The following ZNF462 variants were observed in gnomAD, a reference collection of about 807,000 sequenced individuals.
ZNF462 encodes zinc finger PBX1-interacting protein.
A neutral mutation model predicts 201.9 loss-of-function variants in ZNF462; 10 were observed. The observed-to-expected ratio is 0.05, with a 90% CI of 0.03 to 0.08. ZNF462 has a LOEUF of 0.08. Among genes scored for constraint, ZNF462 ranks in the 10% least tolerant of loss-of-function variants. The pLI is 1.00. For missense variants in ZNF462, 2,523 were observed against 3,168.3 expected (o/e 0.80, Z 4.89); for synonymous variants, 1,227 against 1,193.3 (o/e 1.03, Z -0.58).
chr9:106,886,697 G>C lies in ZNF462; in HGVS notation c.-31+23342G>C, dbSNP rs1342680403. On this transcript the variant is annotated intron_variant, in intron 1 of 12. Coordinates refer to ENST00000277225, the MANE Select transcript of ZNF462 (RefSeq NM_021224.6). This position sits in a 1 kb window ranked among gnomAD's most constrained non-coding sequence, Gnocchi z 4.6. ...AAATGATGTGTCCAAAGTCCACAAT[G>C]TAGGAAGTTAGTTAAGGAAGCCTGA... Among the ~76,000 whole-genome samples the C allele has an allele frequency of 6.6e-6, 1 of 152,172 alleles. No homozygotes were observed. Among genetic ancestry groups the C allele is most frequent in the Non-Finnish European group, 1.5e-5 (1 of 68,032 alleles).
At chr9:106,861,029 C>T (rs1329619323), upstream of ZNF462, among the ~76,000 whole-genome samples, 1 of 152,080 alleles carries the variant, frequency 6.6e-6, no homozygotes, top group African/African-American at 2.4e-5. Context: ...TCTTCCCTCT[C>T]CTCGCCTTTC....
chr9:106,897,336 C>G lies in ZNF462; in HGVS notation c.-30-26018C>G, dbSNP rs117799941. On this transcript the variant is annotated intron_variant, in intron 1 of 12. Transcript: ENST00000277225. ...TGAAAGAACACTTCCCCTAAGAATTCCCTTAGTACAGGTTTTGGTATGCAG... is the reference window on the plus strand; with the variant it reads ...TGAAAGAACACTTCCCCTAAGAATTGCCTTAGTACAGGTTTTGGTATGCAG... 2.9e-3 allele frequency among the ~76,000 whole-genome samples: 440 copies of G among 152,242 alleles called. 2 individuals are homozygous for G. Among genetic ancestry groups the G allele is most frequent in the Non-Finnish European group, 4.8e-3 (328 of 68,014 alleles).
At position 106,975,000 on chromosome 9, in the gene ZNF462, C is replaced by T. The variant is rs1380774052; in HGVS notation, c.6832+727C>T. 3 of 152,186 alleles carry T rather than the reference C, an allele frequency of 2.0e-5. No homozygotes were observed. The highest frequency in any genetic ancestry group is 2.9e-5 in the Non-Finnish European group (2 of 68,050). The allele number at this position is 152,186 out of a possible 1,614,324, so 9.4% of individuals were successfully genotyped here. On this transcript the variant is annotated intron_variant, in intron 9 of 12. Transcript: ENST00000277225. The surrounding 1 kb of genome is among the most constrained non-coding windows in gnomAD (Gnocchi z 4.0). ...AGTGATACTTCTTTTAAGTCCACTT[C>T]GGTCTTTCTTTGAGTTGCATTTACC... is the stretch of plus-strand genomic sequence containing the variant.
rs79146649 is a variant in ZNF462, at chr9:106,968,841, G to A, written c.6428-3164G>A. ...AATGAAAGAAAATAGTCTTAATGAT[G>A]ATTTTTAACTTATGTGACATGCCCT... is the stretch of plus-strand genomic sequence containing the variant. On this transcript the variant is annotated intron_variant, in intron 7 of 12. Coordinates refer to ENST00000277225, the MANE Select transcript of ZNF462 (RefSeq NM_021224.6). This position sits in a 1 kb window ranked among gnomAD's most constrained non-coding sequence, Gnocchi z 4.0. 0.048 allele frequency among the ~76,000 whole-genome samples: 7,233 copies of A among 152,160 alleles called. 244 individuals are homozygous for A. Among genetic ancestry groups the A allele is most frequent in the South Asian group, 0.093 (448 of 4,816 alleles).
Position 106,981,040 on chromosome 9 carries a change from C to G in ZNF462, c.6833-3146C>G, listed in dbSNP as rs1004970919. ...CATTTGCCCACCTTTTAAAGTCTGT[C>G]TTTTTTTATTTTTATCTTGGTCATG... On this transcript the variant is annotated intron_variant, in intron 9 of 12. Coordinates refer to ENST00000277225, the MANE Select transcript of ZNF462 (RefSeq NM_021224.6). The surrounding 1 kb of genome is among the most constrained non-coding windows in gnomAD (Gnocchi z 4.0). Among the ~76,000 whole-genome samples, 2 of 152,126 alleles carry G rather than the reference C, an allele frequency of 1.3e-5. No homozygotes were observed. Among genetic ancestry groups the G allele is most frequent in the African/African-American group, 4.8e-5 (2 of 41,440 alleles).
chr9:106,974,044 T>G lies in ZNF462; in HGVS notation c.6696-93T>G, dbSNP rs982029252. On this transcript the variant is annotated intron_variant, in intron 8 of 12. Coordinates refer to ENST00000277225, the MANE Select transcript of ZNF462 (RefSeq NM_021224.6). This position sits in a 1 kb window ranked among gnomAD's most constrained non-coding sequence, Gnocchi z 4.0. The stretch of plus-strand genomic sequence containing the variant: ...AGCCCCACAAGCAGGAGAGCCGCAC[T>G]TGGACATATATAACGGGTTTGCCAG... The G allele has an allele frequency of 6.5e-7, 1 of 1,531,042 alleles. No individual in the cohort carries two copies. The highest frequency in any genetic ancestry group is 8.9e-7 in the Non-Finnish European group (1 of 1,120,056). 94.8% of individuals were successfully genotyped at this position (1,531,042 alleles called of 1,614,324 possible). A position where few individuals can be genotyped will look rare whatever the true frequency, so the allele number is the denominator to read the frequency against.
At chr9:106,988,382 C>T (rs2132346082) in intron 10 of ZNF462, among the ~76,000 whole-genome samples, 1 of 152,208 alleles carries the variant, frequency 6.6e-6, no homozygotes, top group Admixed American at 6.5e-5. Context: ...CAATTATCTC[C>T]CACCAGACCC....
chr9:107,008,329 T>C lies in ZNF462; in HGVS notation c.7190-1216T>C, dbSNP rs1829705792. Among the ~76,000 whole-genome samples, 1 of 152,164 alleles carries C rather than the reference T, an allele frequency of 6.6e-6. No individual in the cohort carries two copies. Among genetic ancestry groups the C allele is most frequent in the Non-Finnish European group, 1.5e-5 (1 of 68,024 alleles). On this transcript the variant is annotated intron_variant, in intron 11 of 12. Transcript: ENST00000277225. The surrounding 1 kb of genome is among the most constrained non-coding windows in gnomAD (Gnocchi z 4.8). ...GTGATCTTCTTAATTTGTGAGAAAA[T>C]GTTTCATCTTTTGTTAAATCTGGCC... is the stretch of plus-strand genomic sequence containing the variant.
chr9:106,930,431 C>A lies in ZNF462; in HGVS notation c.5848-94C>A. 1 of 1,506,056 alleles carries A rather than the reference C, an allele frequency of 6.6e-7. No individual in the cohort carries two copies. Among genetic ancestry groups the A allele is most frequent in the Non-Finnish European group, 9.0e-7 (1 of 1,112,712 alleles). 93.3% of individuals were successfully genotyped at this position (1,506,056 alleles called of 1,614,324 possible). On this transcript the variant is annotated intron_variant, in intron 3 of 12. Coordinates refer to ENST00000277225, the MANE Select transcript of ZNF462 (RefSeq NM_021224.6). The surrounding 1 kb of genome is among the most constrained non-coding windows in gnomAD (Gnocchi z 5.8). Reference sequence around the variant, plus strand: ...CCTTGGTTTTTAACCTGCTAATCGGCTTTAAAATAAAGTATGTTAGTAAAC... The same window carrying A: ...CCTTGGTTTTTAACCTGCTAATCGGATTTAAAATAAAGTATGTTAGTAAAC...
chr9:107,007,306 G>C (rs1588208062), intron 11 of ZNF462, among the ~76,000 whole-genome samples: 1 of 152,172 alleles, frequency 6.6e-6, no homozygotes, highest in Admixed American at 6.5e-5. Flanking sequence ...GATGTGTGTG[G>C]TATACCAGGC....
intron 1 of ZNF462, among the ~76,000 whole-genome samples, chr9:106,892,250 C>T (rs1828610919): frequency 6.6e-6 from 1 of 152,110 alleles, no homozygotes; most frequent in African/African-American, 2.4e-5. Flanking sequence ...CCTCTGAGGT[C>T]CTTTCCTTTT....
At position 107,012,545 on chromosome 9, in the gene ZNF462, T is replaced by G. The variant is rs1430690961; in HGVS notation, c.*1515T>G. 1 of 151,040 alleles carries G rather than the reference T, an allele frequency of 6.6e-6. No individual in the cohort carries two copies. The highest frequency in any genetic ancestry group is 1.5e-5 in the Non-Finnish European group (1 of 67,836). The allele number at this position is 151,040 out of a possible 1,614,324, so 9.4% of individuals were successfully genotyped here. The stretch of plus-strand genomic sequence containing the variant: ...CTTAGACTAAATCTAAGCCTACATT[T>G]ATAATATGTTCTGATTGTGAACAAA... On this transcript the variant is annotated 3_prime_UTR_variant, in exon 13 of 13. Coordinates refer to ENST00000277225, the MANE Select transcript of ZNF462 (RefSeq NM_021224.6).
At chr9:106,940,293 C>G (rs1161965066) in intron 7 of ZNF462, among the ~76,000 whole-genome samples, 1 of 152,148 alleles carries the variant, frequency 6.6e-6, no homozygotes, top group Non-Finnish European at 1.5e-5. Context: ...TATTTCTGTA[C>G]TTTTCATCCT....
chr9:106,904,546 T>C lies in ZNF462; in HGVS notation c.-30-18808T>C, dbSNP rs983180804. Among the ~76,000 whole-genome samples, 8 of 152,224 alleles carry C rather than the reference T, an allele frequency of 5.3e-5. No individual in the cohort carries two copies. In the East Asian group the frequency reaches 1.2e-3, roughly 22 times the overall value. On this transcript the variant is annotated intron_variant, in intron 1 of 12. Transcript: ENST00000277225. ...TGTTTTCTAGGCTTTCAGAATTCTCTTCTTCCTCAGGTACACTGATTATTC... is the reference window on the plus strand; with the variant it reads ...TGTTTTCTAGGCTTTCAGAATTCTCCTCTTCCTCAGGTACACTGATTATTC...
rs549872509 is a variant in ZNF462, at chr9:106,978,566, T to C, written c.6832+4293T>C. Among the ~76,000 whole-genome samples the C allele has an allele frequency of 6.6e-6, 1 of 151,660 alleles. No homozygotes were observed. The highest frequency in any genetic ancestry group is 1.9e-4 in the East Asian group (1 of 5,178). On this transcript the variant is annotated intron_variant, in intron 9 of 12. Coordinates refer to ENST00000277225, the MANE Select transcript of ZNF462 (RefSeq NM_021224.6). The surrounding 1 kb of genome is among the most constrained non-coding windows in gnomAD (Gnocchi z 4.1). Reference sequence around the variant, plus strand: ...TAGGTCAGATCAACGTTTGGTGAGATTGACCATGATTTGATGAGTTTAACT... The same window carrying C: ...TAGGTCAGATCAACGTTTGGTGAGACTGACCATGATTTGATGAGTTTAACT...
Position 106,927,134 on chromosome 9 carries a change from G to A in ZNF462, c.3222G>A (p.Arg1074=). ...CTATGCGAATGGTGTCTGTGGACAG[G>A]GGCTCTGCCCTTTCTCAATTATCAT... ...QKTMRMVSVD[R]GSALSQLSFE... The change falls in exon 3 of 13, where the codon AGG becomes AGA. Residue 1074 remains arginine (R), a synonymous_variant. Transcript: ENST00000277225. 6.2e-7 allele frequency: 1 copy of A among 1,614,126 alleles called. No individual in the cohort carries two copies.
intron 7 of ZNF462, among the ~76,000 whole-genome samples, chr9:106,949,787 T>C (rs1831261240): frequency 6.6e-6 from 1 of 152,164 alleles, no homozygotes; most frequent in East Asian, 1.9e-4. Context: ...AAATGTAATC[T>C]TCATGCTCTG....
rs1278540824 is a variant in ZNF462 at position 106,883,768 on chromosome 9, A to C, written c.-31+20413A>C. Among the ~76,000 whole-genome samples, 1 of 152,232 alleles carries C rather than the reference A, an allele frequency of 6.6e-6. No homozygotes were observed. Among genetic ancestry groups the C allele is most frequent in the Non-Finnish European group, 1.5e-5 (1 of 68,046 alleles). On this transcript the variant is annotated intron_variant, in intron 1 of 12. Transcript: ENST00000277225. The surrounding 1 kb of genome is among the most constrained non-coding windows in gnomAD (Gnocchi z 4.9). ...TTGGCTTATTTATCCTTCTACCTGGAATCAGCAGCCCTGGCTTGTTCATTT... is the reference window on the plus strand; with the variant it reads ...TTGGCTTATTTATCCTTCTACCTGGCATCAGCAGCCCTGGCTTGTTCATTT...
At chr9:106,992,143 A>T (rs1378333445) in intron 10 of ZNF462, among the ~76,000 whole-genome samples, 1 of 152,086 alleles carries the variant, frequency 6.6e-6, no homozygotes, top group Non-Finnish European at 1.5e-5. Flanking sequence ...CAACTCAACA[A>T]TAAGAAGATA....
Sources: gnomAD v4.1 joint callset for allele counts (sites outside exome capture counted in the v4.1 genomes callset) on GRCh38, gnomAD v4.1.1 for gene constraint, Gnocchi (gnomAD v3.1) non-coding constraint, MANE v1.5 for transcripts, NCBI Gene and HGNC (gene_info 2026-07-23, HGNC 2026-07-21) for gene names.